FAM153A: variants seen among roughly 807,000 people sequenced by gnomAD.
The protein encoded by FAM153A is protein FAM153A.
Under a neutral mutation model 48.1 loss-of-function variants are expected in FAM153A, and 12 were observed. The observed-to-expected ratio is 0.25, with a 90% confidence interval of 0.16 to 0.40. The LOEUF (loss-of-function observed/expected upper bound fraction) is 0.40. FAM153A is among the 10% of genes least tolerant of loss of function. The pLI is 1.00. For synonymous variants in FAM153A, 36 were observed against 118.2 expected (o/e 0.30, Z 4.51); for missense variants, 111 against 345.8 (o/e 0.32, Z 5.38).
exon 27 of FAM153A, chr5:177,712,598 G>A (rs926473159): frequency 2.0e-5 from 3 of 151,766 alleles, no homozygotes; most frequent in Non-Finnish European, 2.9e-5. Flanking sequence ...GGTATACCAC[G>A]TGGTTACTGA....
At chr5:177,743,185 C>A in intron 6 of FAM153A, among the ~76,000 whole-genome samples, 1 of 98,668 alleles carries the variant, frequency 1.0e-5, no homozygotes. Context: ...CAACTGCATT[C>A]ACTTGTTTTT....
chr5:177,756,719 C>T (rs746220618), upstream of FAM153A, among the ~76,000 whole-genome samples: 485 of 151,160 alleles, frequency 3.2e-3, no homozygotes, highest in Middle Eastern at 0.01. Context: ...AACTGAACAA[C>T]CTGCTCCTGA....
At chr5:177,708,291 C>CTTTA (rs1758034723), downstream of FAM153A, among the ~76,000 whole-genome samples, 1 of 61,990 alleles carries the variant, frequency 1.6e-5, no homozygotes, top group Non-Finnish European at 3.3e-5. Flanking sequence ...CTCTCTTTTT[C>CTTTA]ATGGGCAGGC....
At chr5:177,698,589 T>C in the FAM153A span, among the ~76,000 whole-genome samples, 14 of 151,940 alleles carry the variant, frequency 9.2e-5, 1 homozygote, top group African/African-American at 3.4e-4. Flanking sequence ...TAAGTTTAAA[T>C]AGTTAAATAC....
intron 1 of FAM153A, among the ~76,000 whole-genome samples, chr5:177,760,235 C>CTTTTTT (rs56901584): frequency 5.2e-5 from 5 of 96,216 alleles, no homozygotes; most frequent in Admixed American, 1.2e-4. Context: ...TGGGAAAGAC[C>CTTTTTT]TTTTTTTTTT....
intron 14 of FAM153A, among the ~76,000 whole-genome samples, chr5:177,733,899 G>A (rs1191682115): frequency 7.9e-6 from 1 of 126,276 alleles, no homozygotes; most frequent in African/African-American, 2.8e-5. Context: ...GTAAGAATTT[G>A]CCTGGGTGTG....
rs1337707844 is a variant in FAM153A at position 177,760,234 on chromosome 5, C to CTTTTTTT, written c.-56-11536_-56-11535insAAAAAAA. ...TCTCTTAATGCCAAATTGGGAAAGA[C>CTTTTTTT]CTTTTTTTTTTTTTTTTTTTGAGAT... is the stretch of plus-strand genomic sequence containing the variant. On this transcript the variant is annotated intron_variant, in intron 1 of 8. Transcript: ENST00000393518. Among the ~76,000 whole-genome samples the CTTTTTTT allele has an allele frequency of 3.0e-3, 293 of 96,828 alleles. 34 individuals carry two copies. Among genetic ancestry groups the CTTTTTTT allele is most frequent in the Admixed American group, 5.3e-3 (44 of 8,260 alleles). 63.5% of individuals were successfully genotyped at this position (96,828 alleles called of 152,430 possible).
the FAM153A span, among the ~76,000 whole-genome samples, chr5:177,700,079 T>C: frequency 1.3e-5 from 2 of 152,078 alleles, no homozygotes; most frequent in African/African-American, 4.8e-5. Flanking sequence ...TAATACACCA[T>C]ATTAATAGAA....
At chr5:177,761,466 T>C (rs1467856850) in intron 1 of FAM153A, among the ~76,000 whole-genome samples, 2 of 151,716 alleles carry the variant, frequency 1.3e-5, no homozygotes, top group Non-Finnish European at 2.9e-5. Flanking sequence ...TAGCCTGGGG[T>C]GATGAGGCCA....
At chr5:177,696,835 C>T in the FAM153A span, among the ~76,000 whole-genome samples, 2 of 151,344 alleles carry the variant, frequency 1.3e-5, no homozygotes. Context: ...CCCAGCCTGT[C>T]CTTATTTTTG....
At chr5:177,730,300 G>C (rs1387565298) in intron 16 of FAM153A, among the ~76,000 whole-genome samples, 2 of 121,504 alleles carry the variant, frequency 1.6e-5, no homozygotes, top group African/African-American at 2.7e-5. Flanking sequence ...AGGGAAAATG[G>C]GTGCCCGGCT....
chr5:177,716,964 AGTGTGTGTGTGT>A (rs59312087), intron 24 of FAM153A, among the ~76,000 whole-genome samples: 17 of 127,732 alleles, frequency 1.3e-4, no homozygotes, highest in South Asian at 8.1e-4. Flanking sequence ...ATTCCCGCTT[AGTGTGTGTGTGT>A]GTGTGTGTGT....
upstream of FAM153A, chr5:177,783,214 G>C (rs1432129673): frequency 9.1e-6 from 1 of 110,246 alleles, no homozygotes; most frequent in African/African-American, 3.5e-5. Context: ...TGCAGTTGCA[G>C]CTCTGGCACT....
chr5:177,729,291 GAC>G (rs1302874422), intron 17 of FAM153A, among the ~76,000 whole-genome samples, 192 bp downstream of exon 19: 1 of 121,170 alleles, frequency 8.3e-6, no homozygotes, highest in Non-Finnish European at 1.9e-5. Context: ...AATGCCTGTT[GAC>G]ACACAGTTTG....
chr5:177,700,867 C>G, the FAM153A span, among the ~76,000 whole-genome samples: 1 of 151,834 alleles, frequency 6.6e-6, no homozygotes, highest in Non-Finnish European at 1.5e-5. Context: ...TTTCTATACC[C>G]TAGTAATGAA....
chr5:177,737,870 A>G lies in FAM153A; in HGVS notation c.563-758T>C, dbSNP rs186711332. Among the ~76,000 whole-genome samples the G allele has an allele frequency of 1.9e-3, 285 of 151,826 alleles. 9 individuals are homozygous for G. The highest frequency in any genetic ancestry group is 6.8e-3 in the African/African-American group (280 of 41,092). ...CAACCTTTCTTCAATGAGGAGATTA[A>G]TTCTATTAAAATATTCTATGTATTC... On this transcript the variant is annotated intron_variant, in intron 10 of 20. Transcript: ENST00000614127.
intron 13 of FAM153A, 26 bp downstream of exon 15, chr5:177,734,837 T>C (rs748398502): frequency 2.4e-5 from 37 of 1,539,320 alleles, no homozygotes; most frequent in Non-Finnish European, 3.1e-5. Flanking sequence ...AACAGTTTTT[T>C]CTCAGACAAA....
At chr5:177,710,174 A>T (rs556519007), downstream of FAM153A, among the ~76,000 whole-genome samples, 4 of 150,008 alleles carry the variant, frequency 2.7e-5, 1 homozygote, top group African/African-American at 9.9e-5. Flanking sequence ...GTGCAATAGC[A>T]TGATCTCGGC....
intron 14 of FAM153A, among the ~76,000 whole-genome samples, chr5:177,732,474 T>C (rs1412305039): frequency 4.8e-5 from 4 of 83,326 alleles, no homozygotes; most frequent in Non-Finnish European, 7.4e-5. Context: ...GATCCACCTG[T>C]CCTGCTGCTG....
Sources: gnomAD v4.1 joint callset for allele counts (sites outside exome capture counted in the v4.1 genomes callset) on GRCh38, gnomAD v4.1.1 for gene constraint, MANE v1.5 for transcripts, NCBI Gene and HGNC (gene_info 2026-07-23, HGNC 2026-07-21) for gene names.